Variants in SLC37A3 observed in about 807,000 individuals in gnomAD.
SLC37A3 encodes the protein sugar phosphate exchanger 3.
In SLC37A3, 51 loss-of-function variants were observed where a neutral mutation model predicts 67.1. That is an observed-to-expected ratio of 0.76 (90% confidence interval 0.61 to 0.96). The LOEUF (loss-of-function observed/expected upper bound fraction) is 0.96. Ranked by LOEUF, SLC37A3 falls within the 40% of genes least tolerant of loss-of-function variation. The pLI is 0.00. For synonymous variants in SLC37A3, 214 were observed against 231.4 expected (o/e 0.92, Z 0.68); for missense variants, 508 against 603.0 (o/e 0.84, Z 1.65).
intron 5 of SLC37A3, among the ~76,000 whole-genome samples, chr7:140,359,480 C>T (rs560591853): frequency 3.9e-5 from 6 of 152,328 alleles, no homozygotes; most frequent in South Asian, 2.1e-4. Context: ...CCACCTTTCC[C>T]GGAGCAGTGC....
chr7:140,395,038 G>A (rs895047063), intron 1 of SLC37A3, among the ~76,000 whole-genome samples: 2 of 152,016 alleles, frequency 1.3e-5, no homozygotes, highest in African/African-American at 4.8e-5. Flanking sequence ...ACTCCAAGCT[G>A]GATAAAATAC....
Position 140,358,668 on chromosome 7 carries a change from C to G in SLC37A3, c.493G>C (p.Val165Leu), listed in dbSNP as rs142288310. ...GCTTTCCCAAACCAGTTGCCCATAA[C>G]AGCAACCACACAGGGCCAACCAGTG... ...QSTGWPCVVA[V>L]MGNWFGKAGR... The change falls in exon 6 of 15, where the codon GTT becomes CTT. Residue 165 changes from valine (V) to leucine (L), a missense_variant. Val to Leu is a conservative substitution (Grantham distance 32, BLOSUM62 1). Transcript: ENST00000326232. 3 of 1,614,010 alleles carry G rather than the reference C, an allele frequency of 1.9e-6. No individual in the cohort carries two copies. Among genetic ancestry groups the G allele is most frequent in the Middle Eastern group, 1.6e-4 (1 of 6,084 alleles).
At chr7:140,395,815 ACACT>A (rs1265615580) in intron 1 of SLC37A3, among the ~76,000 whole-genome samples, 2 of 152,210 alleles carry the variant, frequency 1.3e-5, no homozygotes, top group Admixed American at 1.3e-4. Context: ...GTTCTCTTAC[ACACT>A]CAAAGGAGAG....
intron 5 of SLC37A3, among the ~76,000 whole-genome samples, chr7:140,360,734 A>AAAAC (rs1382993322): frequency 8.9e-6 from 1 of 112,412 alleles, no homozygotes; most frequent in Non-Finnish European, 1.9e-5. Context: ...ACTCCGTTTA[A>AAAAC]AAAAAAAAAA....
At chr7:140,361,694 G>A (rs1458957057) in intron 5 of SLC37A3, among the ~76,000 whole-genome samples, 22 of 150,024 alleles carry the variant, frequency 1.5e-4, no homozygotes, top group African/African-American at 3.4e-4. Flanking sequence ...GATTGCAGGC[G>A]CGCGCCGCCA....
chr7:140,346,851 C>CT (rs1396887859), intron 10 of SLC37A3, among the ~76,000 whole-genome samples: 6 of 151,044 alleles, frequency 4.0e-5, no homozygotes, highest in Non-Finnish European at 7.4e-5. Flanking sequence ...CCGTATCGTG[C>CT]TGCTTGAACC....
At chr7:140,353,855 G>A (rs893877607) in intron 7 of SLC37A3, among the ~76,000 whole-genome samples, 2 of 152,058 alleles carry the variant, frequency 1.3e-5, no homozygotes. Flanking sequence ...GGGATTACAG[G>A]TGCCCGTGAC....
At chr7:140,344,930 T>A (rs1423363715) in intron 12 of SLC37A3, among the ~76,000 whole-genome samples, 1 of 152,082 alleles carries the variant, frequency 6.6e-6, no homozygotes. Context: ...CATGTGGCAT[T>A]TTTCTAAGTC....
At chr7:140,378,500 A>G (rs1310447987) in intron 3 of SLC37A3, among the ~76,000 whole-genome samples, 2 of 152,018 alleles carry the variant, frequency 1.3e-5, no homozygotes, top group Non-Finnish European at 2.9e-5. Context: ...CACTTTGGGA[A>G]GCCGAGGCAG....
chr7:140,355,671 A>C lies in SLC37A3; in HGVS notation c.615T>G (p.Tyr205Ter). Residue 205 changes from tyrosine to a stop codon, truncating the protein, a stop_gained, in exon 7 of 15, where the codon TAT becomes TAG. Transcript: ENST00000326232. LOFTEE classifies it high-confidence loss of function. ...CLASSVLQYGYEYAFLVTASV... is the reference protein window; with the variant it reads ...CLASSVLQYG ...AGAGCTAGAAAACAATACCTACCTCATAACCATACTGAAGAACAGAAGAAG... is the reference window on the plus strand; with the variant it reads ...AGAGCTAGAAAACAATACCTACCTCCTAACCATACTGAAGAACAGAAGAAG... 1 of 1,613,880 alleles carries C rather than the reference A, an allele frequency of 6.2e-7. No individual in the cohort carries two copies. The highest frequency in any genetic ancestry group is 8.5e-7 in the Non-Finnish European group (1 of 1,179,828).
At chr7:140,341,508 G>T (rs893672909) in intron 13 of SLC37A3, among the ~76,000 whole-genome samples, 3 of 152,102 alleles carry the variant, frequency 2.0e-5, no homozygotes, top group Non-Finnish European at 2.9e-5. Flanking sequence ...GTTATTCAGG[G>T]TAAATTAGTA....
At chr7:140,345,508 A>G (rs1227931696) in intron 11 of SLC37A3, among the ~76,000 whole-genome samples, 1 of 143,814 alleles carries the variant, frequency 7.0e-6, no homozygotes, top group Non-Finnish European at 1.5e-5. Flanking sequence ...CAGCATCTTA[A>G]GGGAATATAC....
At chr7:140,378,722 C>G (rs1798128347) in intron 3 of SLC37A3, among the ~76,000 whole-genome samples, 1 of 137,406 alleles carries the variant, frequency 7.3e-6, no homozygotes, top group Non-Finnish European at 1.5e-5. Flanking sequence ...GGCGATAGAG[C>G]AAGACTCCAT....
At chr7:140,338,843 G>A (rs569460029) in intron 13 of SLC37A3, among the ~76,000 whole-genome samples, 2 of 152,118 alleles carry the variant, frequency 1.3e-5, no homozygotes, top group Admixed American at 1.3e-4. Flanking sequence ...TTGGCTCACT[G>A]CAACCTCCTC....
At chr7:140,350,205 A>G (rs1406962910) in intron 9 of SLC37A3, among the ~76,000 whole-genome samples, 1 of 152,182 alleles carries the variant, frequency 6.6e-6, no homozygotes, top group Non-Finnish European at 1.5e-5. Flanking sequence ...AATAATTTCT[A>G]TTCCATGGGA....
intron 9 of SLC37A3, 126 bp from the exon 10 acceptor site, chr7:140,348,893 A>G: frequency 1.8e-6 from 2 of 1,138,792 alleles, no homozygotes; most frequent in South Asian, 1.4e-5. Flanking sequence ...TTTTACAGTT[A>G]AACATCTCTA....
At position 140,335,122 on chromosome 7, in the gene SLC37A3, G is replaced by T; in HGVS notation, c.*290C>A. 8.9e-7 allele frequency: 1 copy of T among 1,126,872 alleles called. No individual in the cohort carries two copies. The highest frequency in any genetic ancestry group is 1.2e-6 in the Non-Finnish European group (1 of 805,400). The allele number at this position is 1,126,872 out of a possible 1,614,324, so 69.8% of individuals were successfully genotyped here. ...AGGTTAAAACGCTAAACCTCAATAGGCCAAACAAAGACGCGGGCAGAGTCA... is the reference window on the plus strand; with the variant it reads ...AGGTTAAAACGCTAAACCTCAATAGTCCAAACAAAGACGCGGGCAGAGTCA... On this transcript the variant is annotated 3_prime_UTR_variant, in exon 15 of 15. Coordinates refer to ENST00000326232, the MANE Select transcript of SLC37A3 (RefSeq NM_207113.3).
At chr7:140,339,277 T>C (rs1796262570) in intron 13 of SLC37A3, among the ~76,000 whole-genome samples, 2 of 150,908 alleles carry the variant, frequency 1.3e-5, no homozygotes. Flanking sequence ...TTTTTTTTTT[T>C]TTTGAGAGAG....
chr7:140,373,651 C>T (rs1279589379), intron 3 of SLC37A3, among the ~76,000 whole-genome samples: 1 of 151,406 alleles, frequency 6.6e-6, no homozygotes, highest in Non-Finnish European at 1.5e-5. Context: ...AAATTTTCTT[C>T]CTATATCTCA....
Sources: gnomAD v4.1 joint callset for allele counts (sites outside exome capture counted in the v4.1 genomes callset) on GRCh38, gnomAD v4.1.1 for gene constraint, MANE v1.5 for transcripts, NCBI Gene and HGNC (gene_info 2026-07-23, HGNC 2026-07-21) for gene names.